RBBP8: variants seen among roughly 807,000 people sequenced by gnomAD.
RBBP8 encodes DNA endonuclease RBBP8.
A neutral mutation model predicts 108.3 loss-of-function variants in RBBP8; 88 were observed. That is an observed-to-expected ratio of 0.81 (90% CI 0.68 to 0.97). RBBP8 has a LOEUF of 0.97. Among genes scored for constraint, RBBP8 ranks in the 50% least tolerant of loss-of-function variants. The pLI is 0.00. For missense variants in RBBP8, 1,023 were observed against 1,049.0 expected (o/e 0.98, Z 0.34); for synonymous variants, 332 against 348.2 (o/e 0.95, Z 0.52).
chr18:22,985,591 A>G (rs1367157840), intron 8 of RBBP8, among the ~76,000 whole-genome samples: 1 of 151,870 alleles, frequency 6.6e-6, no homozygotes, highest in African/African-American at 2.4e-5. Context: ...TAAAGGGGAG[A>G]TTGGTTTGGA....
At chr18:23,014,006 T>G (rs1013230792) in intron 16 of RBBP8, among the ~76,000 whole-genome samples, 1 of 152,110 alleles carries the variant, frequency 6.6e-6, no homozygotes, top group Non-Finnish European at 1.5e-5. Flanking sequence ...TTTTTATTTA[T>G]TTATTTATTT....
At chr18:22,945,395 T>C (rs538255107) in intron 2 of RBBP8, among the ~76,000 whole-genome samples, 188 of 152,244 alleles carry the variant, frequency 1.2e-3, no homozygotes, top group African/African-American at 4.4e-3. Flanking sequence ...TTTATTTTAT[T>C]TTATTTTTTC....
chr18:22,937,517 G>A (rs1910683205), intron 2 of RBBP8, among the ~76,000 whole-genome samples: 1 of 148,690 alleles, frequency 6.7e-6, no homozygotes, highest in Non-Finnish European at 1.5e-5. Flanking sequence ...TTGAGACAGG[G>A]TCTCACTGTG....
chr18:22,953,734 A>T (rs12966925), intron 4 of RBBP8, among the ~76,000 whole-genome samples: 71,923 of 148,122 alleles, frequency 0.49, 20,164 homozygotes, highest in Middle Eastern at 0.67. Context: ...TAGTCTATAT[A>T]TTTTTTTTTT....
In RBBP8 at chr18:22,988,703, T is replaced by C. The variant is rs377112956; in HGVS notation, c.710-518T>C. On this transcript the variant is annotated intron_variant, in intron 8 of 18. Transcript: ENST00000327155. ...ACAAGAACTTTTTCTTTTCATCTAC[T>C]GCTTAGCACAATACCTGGAACATAA... Among the ~76,000 whole-genome samples the C allele has an allele frequency of 1.3e-4, 20 of 152,360 alleles. No homozygotes were observed. The Middle Eastern group carries it at 0.017, about 130-fold the overall frequency.
At chr18:22,974,165 C>T (rs2144618353) in intron 5 of RBBP8, among the ~76,000 whole-genome samples, 1 of 152,264 alleles carries the variant, frequency 6.6e-6, no homozygotes, top group Admixed American at 6.5e-5. Context: ...CTGGGATCCA[C>T]TTCTTTTGCT....
intron 15 of RBBP8, among the ~76,000 whole-genome samples, chr18:23,002,162 C>G (rs992971222): frequency 6.6e-6 from 1 of 152,128 alleles, no homozygotes; most frequent in Admixed American, 6.6e-5. Context: ...CACCTGTAAT[C>G]CCAGCACTTT....
chr18:22,920,512 G>C (rs1357070182), intron 3 of RBBP8, among the ~76,000 whole-genome samples: 1 of 152,132 alleles, frequency 6.6e-6, no homozygotes, highest in African/African-American at 2.4e-5. Context: ...TAGTTTCAAA[G>C]TTATACCTTA....
At chr18:22,955,638 C>T (rs1488941125) in intron 4 of RBBP8, among the ~76,000 whole-genome samples, 4 of 149,698 alleles carry the variant, frequency 2.7e-5, no homozygotes, top group African/African-American at 9.9e-5. Context: ...AGTGCAGTGG[C>T]GCGATCTCTG....
intron 3 of RBBP8, among the ~76,000 whole-genome samples, chr18:22,925,989 G>GA (rs1909778170): frequency 6.6e-6 from 1 of 152,128 alleles, no homozygotes; most frequent in African/African-American, 2.4e-5. Flanking sequence ...GCCAGGGTTA[G>GA]AAAAAAGGCT....
At chr18:22,986,491 C>T (rs368291451) in intron 8 of RBBP8, among the ~76,000 whole-genome samples, 50 of 152,180 alleles carry the variant, frequency 3.3e-4, no homozygotes, top group African/African-American at 9.9e-4. Flanking sequence ...ACTCCCAAGA[C>T]ATTTTGCAGT....
chr18:22,993,667 A>T (rs1434195662), intron 11 of RBBP8, 28 bp downstream of exon 11: 2 of 1,614,116 alleles, frequency 1.2e-6, no homozygotes, highest in Non-Finnish European at 1.7e-6. Flanking sequence ...AAGGATTTTG[A>T]TTAAAATGAT....
chr18:22,962,192 A>G (rs1913162513), intron 4 of RBBP8, among the ~76,000 whole-genome samples: 1 of 151,758 alleles, frequency 6.6e-6, no homozygotes, highest in African/African-American at 2.4e-5. Context: ...AACTTTTCAG[A>G]TATTTAGACA....
Position 22,946,329 on chromosome 18 carries a change from A to G in RBBP8, c.110-115A>G, listed in dbSNP as rs1911556881. The G allele has an allele frequency of 2.1e-6, 3 of 1,439,368 alleles. No individual in the cohort carries two copies. In the Admixed American group the frequency reaches 6.0e-5, roughly 29 times the overall value. 89.2% of individuals were successfully genotyped at this position (1,439,368 alleles called of 1,614,324 possible). ...GTACACGTAAGGGGCATATACTGTA[A>G]ACTAATGAGACCTGGTTTATTATTT... On this transcript the variant is annotated intron_variant, in intron 2 of 18. Coordinates refer to ENST00000327155, the MANE Select transcript of RBBP8 (RefSeq NM_002894.3).
chr18:23,023,049 G>A (rs1220809726), intron 18 of RBBP8, among the ~76,000 whole-genome samples: 2 of 151,142 alleles, frequency 1.3e-5, no homozygotes, highest in African/African-American at 2.4e-5. Context: ...GCCTTGTGCC[G>A]CCATACCCAG....
chr18:22,923,810 A>G (rs570928312), intron 3 of RBBP8, among the ~76,000 whole-genome samples: 1 of 152,338 alleles, frequency 6.6e-6, no homozygotes, highest in Admixed American at 6.5e-5. Flanking sequence ...AATTTTGTAC[A>G]TGAAACAACT....
At chr18:22,953,510 G>A (rs184903229) in intron 4 of RBBP8, among the ~76,000 whole-genome samples, 1 of 152,276 alleles carries the variant, frequency 6.6e-6, no homozygotes, top group Admixed American at 6.5e-5. Context: ...TCATCCCCAA[G>A]ATAGTATTCT....
At position 22,933,368 on chromosome 18, in the gene RBBP8, C is replaced by CGCCTCCGAGCCCGGCCGGCA. The variant is rs1213061736; in HGVS notation, c.-291_-272dup. Reference sequence around the variant, plus strand: ...GGCTCCCGGGCGGGGCGGGTCCGGCCGCCTCCGAGCCCGGCCGGCAGCCCC... The same window carrying CGCCTCCGAGCCCGGCCGGCA: ...GGCTCCCGGGCGGGGCGGGTCCGGCCGCCTCCGAGCCCGGCCGGCAGCCTCCGAGCCCGGCCGGCAGCCCC... On this transcript the variant is annotated 5_prime_UTR_variant, in exon 1 of 19. Transcript: ENST00000327155. 9 of 152,746 alleles carry CGCCTCCGAGCCCGGCCGGCA rather than the reference C, an allele frequency of 5.9e-5. No homozygotes were observed. Among genetic ancestry groups the CGCCTCCGAGCCCGGCCGGCA allele is most frequent in the East Asian group, 3.9e-4 (2 of 5,118 alleles). 9.5% of individuals were successfully genotyped at this position (152,746 alleles called of 1,614,324 possible). A position where few individuals can be genotyped will look rare whatever the true frequency, so the allele number is the denominator to read the frequency against.
chr18:22,989,044 T>C (rs1290886275), intron 8 of RBBP8, among the ~76,000 whole-genome samples, 177 bp from the exon 9 acceptor site: 6 of 152,220 alleles, frequency 3.9e-5, no homozygotes, highest in Non-Finnish European at 7.3e-5. Flanking sequence ...CTGCAACTTA[T>C]TGCCATTTAT....
Sources: gnomAD v4.1 joint callset for allele counts (sites outside exome capture counted in the v4.1 genomes callset) on GRCh38, gnomAD v4.1.1 for gene constraint, MANE v1.5 for transcripts, NCBI Gene and HGNC (gene_info 2026-07-23, HGNC 2026-07-21) for gene names.